ASXL2: variants seen among roughly 807,000 people sequenced by gnomAD.
ASXL2 encodes putative Polycomb group protein ASXL2.
ASXL2 carries 23 observed loss-of-function variants against 122.0 expected under a neutral mutation model. That is an observed-to-expected ratio of 0.19 (90% CI 0.14 to 0.27). ASXL2 has a LOEUF of 0.27. ASXL2 is among the 10% of genes least tolerant of loss of function. ASXL2 has a pLI of 1.00. For synonymous variants in ASXL2, 650 were observed against 637.0 expected, an observed-to-expected ratio of 1.02 and a Z score of -0.31; for missense variants, 1,518 against 1,713.8, an observed-to-expected ratio of 0.89 and a Z score of 2.02.
intron 8 of ASXL2, among the ~76,000 whole-genome samples, chr2:25,766,413 G>A (rs1483470998): frequency 2.0e-5 from 3 of 152,072 alleles, no homozygotes; most frequent in Non-Finnish European, 2.9e-5. Flanking sequence ...GACATTGTAC[G>A]ACCTAGATTG....
chr2:25,741,540 G>GAATA lies in ASXL2; in HGVS notation c.*485_*488dup, dbSNP rs1482836017. On this transcript the variant is annotated 3_prime_UTR_variant, in exon 13 of 13. Transcript: ENST00000435504. ...GTCCTGCAAAGGCTGAATAATCTATGAATAACCTGCGGCCAGACTGTCCAG... is the reference window on the plus strand; with the variant it reads ...GTCCTGCAAAGGCTGAATAATCTATGAATAAATAACCTGCGGCCAGACTGTCCAG... 1 of 232,124 alleles carries GAATA rather than the reference G, an allele frequency of 4.3e-6. No homozygotes were observed. Among genetic ancestry groups the GAATA allele is most frequent in the African/African-American group, 2.2e-5 (1 of 45,082 alleles). 14.4% of individuals were successfully genotyped at this position (232,124 alleles called of 1,614,324 possible). A position where few individuals can be genotyped will look rare whatever the true frequency, so the allele number is the denominator to read the frequency against.
intron 3 of ASXL2, among the ~76,000 whole-genome samples, chr2:25,832,896 C>T (rs966565440): frequency 1.3e-5 from 2 of 152,142 alleles, no homozygotes; most frequent in Admixed American, 6.5e-5. Flanking sequence ...GGAGGACTCT[C>T]CAGAGACATA....
intron 4 of ASXL2, 26 bp from the exon 5 acceptor site, chr2:25,799,561 A>G (rs1574422619): frequency 6.3e-7 from 1 of 1,590,502 alleles, no homozygotes; most frequent in Non-Finnish European, 8.5e-7. Flanking sequence ...TCCAATTAGG[A>G]TTAATCATTA....
chr2:25,798,360 T>C (rs986398241), intron 5 of ASXL2, among the ~76,000 whole-genome samples: 1 of 152,044 alleles, frequency 6.6e-6, no homozygotes, highest in Non-Finnish European at 1.5e-5. Context: ...TATCAACCCA[T>C]GAAGACACAG....
intron 1 of ASXL2, among the ~76,000 whole-genome samples, chr2:25,875,643 T>C (rs1292606706): frequency 6.6e-6 from 1 of 152,180 alleles, no homozygotes; most frequent in Non-Finnish European, 1.5e-5. Flanking sequence ...TCTATTGGTA[T>C]ATTATTGGTC....
In ASXL2 at chr2:25,742,551, G is replaced by T. The variant is rs1200128363; in HGVS notation, c.3786C>A (p.Ala1262=). The stretch of plus-strand genomic sequence containing the variant: ...TCTGTGCTGCCTGAATTAAATCTCT[G>T]GCTAGGGTCTTTTCATCAAATGTTT... ...RGQTFDEKTL[A]RDLIQAAQKQ... The change falls in exon 13 of 13, where the codon GCC becomes GCA. Residue 1262 remains alanine, a synonymous_variant. Transcript: ENST00000435504. The T allele has an allele frequency of 6.2e-7, 1 of 1,613,880 alleles. No homozygotes were observed. Among genetic ancestry groups the T allele is most frequent in the Non-Finnish European group, 8.5e-7 (1 of 1,179,884 alleles).
intron 3 of ASXL2, among the ~76,000 whole-genome samples, chr2:25,834,668 C>G (rs1423294884): frequency 6.6e-6 from 1 of 152,158 alleles, no homozygotes; most frequent in Admixed American, 6.5e-5. Flanking sequence ...ACGACTGTTG[C>G]CCTCAGGTCT....
chr2:25,783,929 C>G (rs2088691991), intron 5 of ASXL2, among the ~76,000 whole-genome samples: 1 of 152,074 alleles, frequency 6.6e-6, no homozygotes, highest in Non-Finnish European at 1.5e-5. Context: ...TGGCACATGC[C>G]TGTAATCCCA....
chr2:25,876,425 G>C (rs907747023), intron 1 of ASXL2, among the ~76,000 whole-genome samples: 1 of 152,164 alleles, frequency 6.6e-6, no homozygotes, highest in Non-Finnish European at 1.5e-5. Flanking sequence ...AGTGCTTTGA[G>C]AGGCCAACGG....
chr2:25,773,210 A>G (rs1224878231), intron 5 of ASXL2, among the ~76,000 whole-genome samples: 1 of 151,718 alleles, frequency 6.6e-6, no homozygotes, highest in Non-Finnish European at 1.5e-5. Flanking sequence ...TCCATCTCAA[A>G]AAAAAAAAAA....
rs184366934 is a variant in ASXL2, at chr2:25,765,115, G to A, written c.775+2468C>T. 5.3e-5 allele frequency among the ~76,000 whole-genome samples: 8 copies of A among 152,264 alleles called. No individual in the cohort carries two copies. The East Asian group carries it at 1.5e-3, about 29-fold the overall frequency. On this transcript the variant is annotated intron_variant, in intron 8 of 12. Transcript: ENST00000435504. The stretch of plus-strand genomic sequence containing the variant: ...ATAAAAATGATACCAATGTCAGCTA[G>A]AAAGTATTTTATATAAATTAGCTAA...
At chr2:25,870,944 T>C (rs1216244705) in intron 1 of ASXL2, among the ~76,000 whole-genome samples, 1 of 152,186 alleles carries the variant, frequency 6.6e-6, no homozygotes, top group Non-Finnish European at 1.5e-5. Context: ...TCATCTAGGA[T>C]TAACTCTTTA....
intron 5 of ASXL2, among the ~76,000 whole-genome samples, chr2:25,791,355 C>T (rs1423823762): frequency 6.6e-5 from 10 of 151,854 alleles, no homozygotes; most frequent in African/African-American, 1.7e-4. Flanking sequence ...GGTGTGGTGG[C>T]GGGCGCCTAT....
chr2:25,806,483 T>C (rs1181975889), intron 3 of ASXL2, 146 bp from the exon 4 acceptor site: 1 of 505,400 alleles, frequency 2.0e-6, no homozygotes, highest in Admixed American at 3.5e-5. Flanking sequence ...TCTACCAATA[T>C]AGAAAGGGGC....
intron 4 of ASXL2, among the ~76,000 whole-genome samples, chr2:25,803,027 G>A: frequency 6.6e-6 from 1 of 152,198 alleles, no homozygotes; most frequent in East Asian, 1.9e-4. Flanking sequence ...AGCTACTCTG[G>A]AGGCTGAGGC....
At chr2:25,830,171 C>G (rs2089433227) in intron 3 of ASXL2, among the ~76,000 whole-genome samples, 1 of 152,222 alleles carries the variant, frequency 6.6e-6, no homozygotes, top group Non-Finnish European at 1.5e-5. Flanking sequence ...AGTCCAGGAC[C>G]TGCATGGTAA....
chr2:25,815,567 G>A (rs1329962303), intron 3 of ASXL2, among the ~76,000 whole-genome samples: 1 of 152,114 alleles, frequency 6.6e-6, no homozygotes, highest in African/African-American at 2.4e-5. Flanking sequence ...GCCAGACTCA[G>A]TGATGAGTGA....
chr2:25,789,022 T>C (rs35701447), intron 5 of ASXL2, among the ~76,000 whole-genome samples: 42,324 of 152,016 alleles, frequency 0.28, 6,202 homozygotes, highest in African/African-American at 0.33. Context: ...GCTTTTCTGA[T>C]TGATCTCATC....
intron 1 of ASXL2, among the ~76,000 whole-genome samples, chr2:25,864,336 AC>A (rs1255432967): frequency 6.6e-6 from 1 of 152,180 alleles, no homozygotes; most frequent in African/African-American, 2.4e-5. Flanking sequence ...GATTATTCTA[AC>A]AAAAACAGGG....
Sources: allele counts gnomAD v4.1 joint callset (sites outside exome capture counted in the v4.1 genomes callset), GRCh38; gene constraint gnomAD v4.1.1; transcripts MANE v1.5; gene names NCBI Gene and HGNC (gene_info 2026-07-23, HGNC 2026-07-21).